Variants in DENND1B observed in about 807,000 individuals in gnomAD.
The protein encoded by DENND1B is DENN domain-containing protein 1B.
In DENND1B, 59 loss-of-function variants were observed where a neutral mutation model predicts 90.1. The observed-to-expected ratio is 0.65, with a 90% CI of 0.53 to 0.81. DENND1B has a LOEUF of 0.81. Ranked by LOEUF, DENND1B falls within the 40% of genes least tolerant of loss-of-function variation. DENND1B has a pLI of 0.00. For missense variants in DENND1B, 862 were observed against 912.6 expected, an observed-to-expected ratio of 0.94 and a Z score of 0.71; for synonymous variants, 337 against 324.6, an observed-to-expected ratio of 1.04 and a Z score of -0.41.
chr1:197,660,262 C>T (rs1451366216), intron 5 of DENND1B, among the ~76,000 whole-genome samples: 1 of 151,820 alleles, frequency 6.6e-6, no homozygotes, highest in Non-Finnish European at 1.5e-5. Flanking sequence ...AGCAGCAAAC[C>T]ACCATGGCAT....
At chr1:197,702,324 A>G (rs1412980338) in intron 3 of DENND1B, among the ~76,000 whole-genome samples, 1 of 152,208 alleles carries the variant, frequency 6.6e-6, no homozygotes, top group African/African-American at 2.4e-5. Context: ...TTAAGGACAG[A>G]GCAAGTACAC....
chr1:197,597,445 T>G (rs886295537), intron 13 of DENND1B, among the ~76,000 whole-genome samples: 1 of 151,748 alleles, frequency 6.6e-6, no homozygotes, highest in African/African-American at 2.4e-5. Flanking sequence ...AAAATTAAAA[T>G]GCACCTTACA....
At chr1:197,750,609 G>T (rs1038762426) in intron 2 of DENND1B, among the ~76,000 whole-genome samples, 1 of 147,054 alleles carries the variant, frequency 6.8e-6, no homozygotes, top group East Asian at 2.0e-4. Context: ...TAGATAGATA[G>T]ATAAAGATAT....
In DENND1B at chr1:197,522,885, T is replaced by C. The variant is rs537961624; in HGVS notation, c.1516-9932A>G. On this transcript the variant is annotated intron_variant, in intron 20 of 22. Coordinates refer to ENST00000620048, the MANE Select transcript of DENND1B (RefSeq NM_001195215.2). Reference sequence around the variant, plus strand: ...ATAAACAGGTAAGAAAAAAATCTGCTAAAATGTCAATAAGGTCTTAAAGGC... The same window carrying C: ...ATAAACAGGTAAGAAAAAAATCTGCCAAAATGTCAATAAGGTCTTAAAGGC... Among the ~76,000 whole-genome samples the C allele has an allele frequency of 5.3e-5, 8 of 152,220 alleles. No individual in the cohort carries two copies. In the South Asian group the frequency reaches 1.5e-3, roughly 28 times the overall value.
intron 15 of DENND1B, among the ~76,000 whole-genome samples, chr1:197,569,563 T>TACAC (rs4026518): frequency 0.022 from 3,328 of 148,136 alleles, 42 homozygotes; most frequent in Admixed American, 0.026. Context: ...AAATGTGGTA[T>TACAC]ACACACACAC....
chr1:197,645,511 C>G (rs1680649445), intron 9 of DENND1B, among the ~76,000 whole-genome samples, 179 bp downstream of exon 9: 1 of 151,748 alleles, frequency 6.6e-6, no homozygotes. Context: ...GGTAAAGGGG[C>G]AGATATATAA....
chr1:197,684,117 T>G (rs924226303), intron 3 of DENND1B, among the ~76,000 whole-genome samples: 1 of 152,092 alleles, frequency 6.6e-6, no homozygotes, highest in Non-Finnish European at 1.5e-5. Flanking sequence ...TTTAAAAGAG[T>G]CTGCATGCTT....
Position 197,509,797 on chromosome 1 carries a change from A to G in DENND1B, c.*663T>C, listed in dbSNP as rs1341723432. 6.6e-6 allele frequency: 1 copy of G among 152,190 alleles called. No homozygotes were observed. The highest frequency in any genetic ancestry group is 1.5e-5 in the Non-Finnish European group (1 of 67,810). The allele number at this position is 152,190 out of a possible 1,614,324, so 9.4% of individuals were successfully genotyped here. On this transcript the variant is annotated 3_prime_UTR_variant, in exon 23 of 23. Transcript: ENST00000620048. ...TTCAGCACTTCCTATATTTCACTGA[A>G]TGAAAGGTAAGTGTATATTTTTATA...
chr1:197,581,422 C>A (rs1308440308), intron 15 of DENND1B, among the ~76,000 whole-genome samples: 1 of 152,120 alleles, frequency 6.6e-6, no homozygotes, highest in Non-Finnish European at 1.5e-5. Context: ...AAGTCCTACA[C>A]AGATATGTAT....
chr1:197,609,987 A>C (rs1677035631), intron 12 of DENND1B, among the ~76,000 whole-genome samples: 1 of 150,690 alleles, frequency 6.6e-6, no homozygotes, highest in African/African-American at 2.4e-5. Context: ...TCCGCCTAAT[A>C]GTGGCATAAC....
chr1:197,671,729 C>G (rs1377046888), intron 5 of DENND1B, among the ~76,000 whole-genome samples: 1 of 151,106 alleles, frequency 6.6e-6, no homozygotes, highest in African/African-American at 2.5e-5. Flanking sequence ...ATTAATTTAA[C>G]TTATTTTTTT....
chr1:197,640,838 G>A (rs575632858), intron 10 of DENND1B, among the ~76,000 whole-genome samples: 22 of 152,216 alleles, frequency 1.4e-4, no homozygotes, highest in South Asian at 6.2e-4. Context: ...TGGGCACAGC[G>A]GCGTGTGCCT....
chr1:197,575,864 T>C (rs760107043), intron 15 of DENND1B, among the ~76,000 whole-genome samples: 5 of 152,100 alleles, frequency 3.3e-5, no homozygotes, highest in African/African-American at 9.7e-5. Flanking sequence ...TTCTCACTCA[T>C]AGGTAGGAAC....
rs376124353 is a variant in DENND1B, at chr1:197,714,985, A to G, written c.126+46T>C. 8.3e-5 allele frequency: 119 copies of G among 1,427,902 alleles called. 1 individual carries two copies. The African/African-American group carries it at 1.5e-3, about 18-fold the overall frequency. The allele number at this position is 1,427,902 out of a possible 1,614,324, so 88.5% of individuals were successfully genotyped here. On this transcript the variant is annotated intron_variant, in intron 3 of 22. Transcript: ENST00000620048. ...AGCAGCAGTAATAGTAGCAACAATC[A>G]TAATACTTCAACTTTAAATTTTTTA...
intron 16 of DENND1B, among the ~76,000 whole-genome samples, chr1:197,550,584 T>G (rs941727404): frequency 6.6e-6 from 1 of 151,414 alleles, no homozygotes; most frequent in Non-Finnish European, 1.5e-5. Context: ...ACACCACATG[T>G]TCTCACTCAT....
rs560262653 is a variant in DENND1B, at chr1:197,723,324, C to G, written c.83-8250G>C. On this transcript the variant is annotated intron_variant, in intron 2 of 22. Transcript: ENST00000620048. ...TGGGTGAGAATTGAATTGAAAACAC[C>G]TTGACAAAGAAAGCAATTTCTTTTC... Among the ~76,000 whole-genome samples, 18 of 152,106 alleles carry G rather than the reference C, an allele frequency of 1.2e-4. No individual in the cohort carries two copies. The South Asian group carries it at 3.7e-3, about 32-fold the overall frequency.
chr1:197,629,730 G>A (rs779744081), intron 10 of DENND1B, among the ~76,000 whole-genome samples: 53 of 151,742 alleles, frequency 3.5e-4, no homozygotes, highest in African/African-American at 1.4e-4. Flanking sequence ...TTTTTGTTCT[G>A]TGAAAAACAC....
intron 2 of DENND1B, among the ~76,000 whole-genome samples, chr1:197,722,064 G>A (rs1256405666): frequency 1.3e-5 from 2 of 152,090 alleles, no homozygotes; most frequent in Non-Finnish European, 2.9e-5. Context: ...ACTCAGACAT[G>A]TGAGAAAATT....
At chr1:197,577,839 G>C (rs1290050527) in intron 15 of DENND1B, among the ~76,000 whole-genome samples, 1 of 152,148 alleles carries the variant, frequency 6.6e-6, no homozygotes, top group Non-Finnish European at 1.5e-5. Context: ...GAATGTTAGA[G>C]ATGAGAGGTA....
Sources: allele counts gnomAD v4.1 joint callset (sites outside exome capture counted in the v4.1 genomes callset), GRCh38; gene constraint gnomAD v4.1.1; transcripts MANE v1.5; gene names NCBI Gene and HGNC (gene_info 2026-07-23, HGNC 2026-07-21).